The following KCNIP4 variants were observed in gnomAD, a reference collection of about 807,000 sequenced individuals.
The protein encoded by KCNIP4 is potassium voltage-gated channel interacting protein 4.
A neutral mutation model predicts 34.0 loss-of-function variants in KCNIP4; 12 were observed. That is an observed-to-expected ratio of 0.35 (90% CI 0.23 to 0.57). The LOEUF is 0.57. KCNIP4 is among the 20% of genes least tolerant of loss of function. The pLI, the probability that KCNIP4 is intolerant of heterozygous loss-of-function variation, is 0.83. For synonymous variants in KCNIP4, 124 were observed against 102.2 expected (o/e 1.21, Z -1.29); for missense variants, 238 against 311.7 (o/e 0.76, Z 1.78).
chr4:21,603,998 T>C (rs2109127321), intron 1 of KCNIP4, among the ~76,000 whole-genome samples: 1 of 152,246 alleles, frequency 6.6e-6, no homozygotes, highest in South Asian at 2.1e-4. Flanking sequence ...TTTAGTAGAC[T>C]TCTGTTCGGT....
chr4:21,462,293 T>A (rs1010800706), intron 1 of KCNIP4, among the ~76,000 whole-genome samples: 1 of 152,152 alleles, frequency 6.6e-6, no homozygotes, highest in Admixed American at 6.5e-5. Context: ...GACTTACAGT[T>A]CCTCATTGCT....
intron 1 of KCNIP4, among the ~76,000 whole-genome samples, chr4:21,524,054 G>A (rs1412853853): frequency 6.6e-6 from 1 of 152,084 alleles, no homozygotes; most frequent in African/African-American, 2.4e-5. Context: ...GGTTTGGTAT[G>A]AGTCTGAGCC....
chr4:21,504,487 G>GAAAGAAAGAAAC (rs1733657535), intron 1 of KCNIP4, among the ~76,000 whole-genome samples: 1 of 91,852 alleles, frequency 1.1e-5, no homozygotes, highest in African/African-American at 5.8e-5. Context: ...AAGAAAGAAA[G>GAAAGAAAGAAAC]AAAGAAAGAA....
chr4:21,031,043 A>T (rs1009379817), intron 1 of KCNIP4, among the ~76,000 whole-genome samples: 2 of 152,168 alleles, frequency 1.3e-5, no homozygotes, highest in Non-Finnish European at 2.9e-5. Context: ...CCAACAAAAG[A>T]TAGGAATTGT....
intron 1 of KCNIP4, among the ~76,000 whole-genome samples, chr4:21,167,614 G>A (rs1753724313): frequency 6.6e-6 from 1 of 152,152 alleles, no homozygotes; most frequent in African/African-American, 2.4e-5. Context: ...CTTCAACATT[G>A]AGATTCAAAG....
At chr4:21,171,982 C>T (rs926700841) in intron 1 of KCNIP4, among the ~76,000 whole-genome samples, 1 of 152,158 alleles carries the variant, frequency 6.6e-6, no homozygotes, top group Non-Finnish European at 1.5e-5. Flanking sequence ...TAGGAGCCAA[C>T]ATCTACTGAG....
At chr4:21,581,856 CAG>C (rs1741227386) in intron 1 of KCNIP4, among the ~76,000 whole-genome samples, 1 of 151,906 alleles carries the variant, frequency 6.6e-6, no homozygotes, top group African/African-American at 2.4e-5. Context: ...CCTATTTACA[CAG>C]AATGTTTTTC....
chr4:20,991,279 C>T (rs1278765696), intron 1 of KCNIP4, among the ~76,000 whole-genome samples: 2 of 152,048 alleles, frequency 1.3e-5, no homozygotes, highest in African/African-American at 2.4e-5. Context: ...TAGGATGTGA[C>T]GTTAACCTCA....
chr4:21,923,228 G>A (rs1729034350), intron 1 of KCNIP4, among the ~76,000 whole-genome samples: 1 of 152,084 alleles, frequency 6.6e-6, no homozygotes, highest in East Asian at 1.9e-4. Flanking sequence ...CCTGCCCACT[G>A]GCCTTCAAAT....
chr4:21,757,299 G>A (rs1459151431), intron 1 of KCNIP4, among the ~76,000 whole-genome samples: 1 of 148,982 alleles, frequency 6.7e-6, no homozygotes, highest in Non-Finnish European at 1.5e-5. Context: ...GAAAAGAAAA[G>A]AAAAGAGAAA....
chr4:20,749,562 T>C (rs1272969398), intron 5 of KCNIP4, 100 bp downstream of exon 5: 3 of 776,130 alleles, frequency 3.9e-6, no homozygotes, highest in African/African-American at 1.7e-5. Flanking sequence ...TTGGGCTTTC[T>C]TTCCCCTGAG....
chr4:21,239,328 G>T (rs35673673), intron 1 of KCNIP4, among the ~76,000 whole-genome samples: 1 of 147,270 alleles, frequency 6.8e-6, no homozygotes, highest in Non-Finnish European at 1.5e-5. Flanking sequence ...AGGACTTCAT[G>T]TCTAAAACAC....
intron 1 of KCNIP4, among the ~76,000 whole-genome samples, chr4:21,607,545 G>A (rs1743803584): frequency 1.3e-5 from 2 of 151,774 alleles, no homozygotes; most frequent in African/African-American, 4.8e-5. Context: ...ATCAAATCAG[G>A]TGGACACTAT....
chr4:20,783,647 A>G (rs1184755706), intron 3 of KCNIP4, among the ~76,000 whole-genome samples: 5 of 152,184 alleles, frequency 3.3e-5, no homozygotes, highest in African/African-American at 1.2e-4. Context: ...ATCGGAGTAC[A>G]ATTCAAGATG....
intron 1 of KCNIP4, among the ~76,000 whole-genome samples, chr4:21,409,391 C>T (rs1023888008): frequency 7.2e-5 from 11 of 152,062 alleles, no homozygotes; most frequent in African/African-American, 2.7e-4. Context: ...AAGCATGCAC[C>T]CAGCCTCAAG....
chr4:21,079,203 C>T (rs192331085), intron 1 of KCNIP4, among the ~76,000 whole-genome samples: 72 of 152,184 alleles, frequency 4.7e-4, no homozygotes, highest in African/African-American at 1.6e-3. Flanking sequence ...CTTTTGACAA[C>T]ACATCTATGA....
At position 20,882,627 on chromosome 4, in the gene KCNIP4, C is replaced by A. The variant is rs368526954; in HGVS notation, c.144G>T (p.Thr48=). 27 of 1,612,838 alleles carry A rather than the reference C, an allele frequency of 1.7e-5. No homozygotes were observed. In the African/African-American group the frequency reaches 3.1e-4, roughly 18 times the overall value. The change falls in exon 2 of 9, where the codon ACG becomes ACT. Residue 48 remains threonine (T), a synonymous_variant. Coordinates refer to ENST00000382152, the MANE Select transcript of KCNIP4 (RefSeq NM_025221.6). ...ACTTGCTTTGAATAGCAGGAGACGA[C>A]GTTTTGGCAGCTGAGCAGGGCAAGA... is the stretch of plus-strand genomic sequence containing the variant. The part of the protein sequence containing the change: ...MKLLPCSAAK[T]SSPAIQNSVE...
intron 1 of KCNIP4, among the ~76,000 whole-genome samples, chr4:21,224,486 A>G (rs758448958): frequency 1.3e-4 from 20 of 148,636 alleles, no homozygotes; most frequent in Non-Finnish European, 3.0e-4. Flanking sequence ...GTTTCACCCT[A>G]TGAGTTTGGG....
chr4:21,665,551 A>G (rs1043575144), intron 1 of KCNIP4, among the ~76,000 whole-genome samples: 1 of 144,762 alleles, frequency 6.9e-6, no homozygotes, highest in African/African-American at 2.5e-5. Context: ...TTCTTGTAAA[A>G]GTTAATCAAC....
Sources: gnomAD v4.1 joint callset for allele counts (sites outside exome capture counted in the v4.1 genomes callset) on GRCh38, gnomAD v4.1.1 for gene constraint, MANE v1.5 for transcripts, NCBI Gene and HGNC (gene_info 2026-07-23, HGNC 2026-07-21) for gene names.